Variants in EYA2 observed in about 807,000 individuals in gnomAD.
EYA2 encodes protein phosphatase EYA2.
EYA2 carries 31 observed loss-of-function variants against 69.2 expected under a neutral mutation model. That is an observed-to-expected ratio of 0.45 (90% CI 0.34 to 0.60). The LOEUF is 0.60. Ranked by LOEUF, EYA2 falls within the 20% of genes least tolerant of loss-of-function variation. The pLI is 0.02. For synonymous variants in EYA2, 257 were observed against 279.4 expected (o/e 0.92, Z 0.80); for missense variants, 622 against 701.2 (o/e 0.89, Z 1.28).
intron 1 of EYA2, chr20:46,978,289 A>C (rs1980587414): frequency 3.6e-6 from 1 of 278,144 alleles, no homozygotes; most frequent in African/African-American, 2.2e-5. Context: ...TAGGGAAATT[A>C]AATAACTCAC....
chr20:47,090,722 A>G (rs2032058387), intron 8 of EYA2, among the ~76,000 whole-genome samples: 1 of 152,214 alleles, frequency 6.6e-6, no homozygotes, highest in Non-Finnish European at 1.5e-5. Context: ...AATACAATAT[A>G]ACTTTGTTAA....
In EYA2 at chr20:46,908,870, C is replaced by CTTTTTTTTTTTT. The variant is rs56834738; in HGVS notation, c.-11+13909_-11+13920dup. On this transcript the variant is annotated intron_variant, in intron 1 of 15. Coordinates refer to ENST00000327619, the MANE Select transcript of EYA2 (RefSeq NM_005244.5). ...AAAGGCACTAAGCCTCTCTCCCGCA[C>CTTTTTTTTTTTT]TTTTTTTTTTTTTTTTTTTTTTTTT... 5.0e-4 allele frequency among the ~76,000 whole-genome samples: 24 copies of CTTTTTTTTTTTT among 47,582 alleles called. 5 individuals carry two copies. The East Asian group carries it at 7.4e-3, about 15-fold the overall frequency. The allele number at this position is 47,582 out of a possible 152,430, so 31.2% of individuals were successfully genotyped here. A position where few individuals can be genotyped will look rare whatever the true frequency, so the allele number is the denominator to read the frequency against.
intron 9 of EYA2, among the ~76,000 whole-genome samples, chr20:47,134,051 G>C (rs2033402286): frequency 6.6e-6 from 1 of 152,238 alleles, no homozygotes; most frequent in African/African-American, 2.4e-5. Flanking sequence ...GGAATGTGCA[G>C]GGTTTGAGCA....
chr20:47,160,793 T>C (rs1301403126), intron 10 of EYA2: 1 of 169,988 alleles, frequency 5.9e-6, no homozygotes, highest in Non-Finnish European at 1.3e-5. Flanking sequence ...CCCTCTCTTT[T>C]TTTTTTTCAA....
intron 7 of EYA2, among the ~76,000 whole-genome samples, chr20:47,086,360 C>T (rs1003539893): frequency 6.6e-6 from 1 of 151,930 alleles, no homozygotes; most frequent in Non-Finnish European, 1.5e-5. Context: ...GTGGCGTGTG[C>T]CTGTAATCCC....
chr20:46,998,673 T>C (rs1255447973), intron 2 of EYA2, among the ~76,000 whole-genome samples: 1 of 152,138 alleles, frequency 6.6e-6, no homozygotes, highest in Non-Finnish European at 1.5e-5. Flanking sequence ...GGATTATCAA[T>C]GAAGTCCACA....
rs367676084 is a variant in EYA2, at chr20:47,170,534, C to A, written c.1037+1337C>A. On this transcript the variant is annotated intron_variant, in intron 11 of 15. Coordinates refer to ENST00000327619, the MANE Select transcript of EYA2 (RefSeq NM_005244.5). ...TGGTGGCGGGCGCCTGTAATCCCAG[C>A]TACTTGGGAGGCTGAGGCAGGAGAA... is the stretch of plus-strand genomic sequence containing the variant. Among the ~76,000 whole-genome samples, 7 of 151,942 alleles carry A rather than the reference C, an allele frequency of 4.6e-5. No individual in the cohort carries two copies. The East Asian group carries it at 7.9e-4, about 17-fold the overall frequency.
At chr20:47,054,578 G>T (rs900457692) in intron 5 of EYA2, among the ~76,000 whole-genome samples, 1 of 152,064 alleles carries the variant, frequency 6.6e-6, no homozygotes, top group African/African-American at 2.4e-5. Flanking sequence ...TCACTAATGC[G>T]GATAGACAGA....
At chr20:46,969,146 C>CAG (rs1979975094) in intron 1 of EYA2, among the ~76,000 whole-genome samples, 1 of 152,144 alleles carries the variant, frequency 6.6e-6, no homozygotes, top group South Asian at 2.1e-4. Context: ...CTCTGGGAGT[C>CAG]AGAGGCTCCA....
chr20:47,002,917 G>C (rs1982469887), intron 3 of EYA2, among the ~76,000 whole-genome samples: 1 of 152,208 alleles, frequency 6.6e-6, no homozygotes, highest in South Asian at 2.1e-4. Context: ...CTAAAAGAAA[G>C]AAGGGCATAG....
At chr20:47,044,808 A>T (rs2029947865) in intron 5 of EYA2, among the ~76,000 whole-genome samples, 1 of 152,218 alleles carries the variant, frequency 6.6e-6, no homozygotes, top group South Asian at 2.1e-4. Context: ...GCTCAAGGTC[A>T]TACAATCGGA....
intron 9 of EYA2, among the ~76,000 whole-genome samples, chr20:47,122,812 T>C (rs1382760297): frequency 6.6e-6 from 1 of 152,214 alleles, no homozygotes; most frequent in African/African-American, 2.4e-5. Flanking sequence ...CTTGTCTATG[T>C]CTGCTTTTGT....
At chr20:46,944,577 A>G (rs368538201) in intron 1 of EYA2, among the ~76,000 whole-genome samples, 1 of 141,966 alleles carries the variant, frequency 7.0e-6, no homozygotes. Context: ...AAAATGAGAA[A>G]AACAGCACCC....
chr20:47,142,441 T>C (rs1187668203), intron 9 of EYA2, among the ~76,000 whole-genome samples: 2 of 152,396 alleles, frequency 1.3e-5, no homozygotes, highest in Admixed American at 1.3e-4. Context: ...GACAGTTTCA[T>C]ATCAGTAACT....
intron 4 of EYA2, 78 bp from the exon 5 acceptor site, chr20:47,016,103 G>C: frequency 1.9e-6 from 2 of 1,056,798 alleles, no homozygotes; most frequent in East Asian, 4.7e-5. Flanking sequence ...TCTTGACCCA[G>C]TAGCTCTTTT....
At chr20:47,064,680 A>G (rs1391228033) in intron 5 of EYA2, among the ~76,000 whole-genome samples, 1 of 152,096 alleles carries the variant, frequency 6.6e-6, no homozygotes, top group African/African-American at 2.4e-5. Context: ...TATTATGGCC[A>G]ACCTAGCGAG....
chr20:46,903,947 A>G lies in EYA2; in HGVS notation c.-11+8960A>G, dbSNP rs188129412. Among the ~76,000 whole-genome samples, 46 of 152,322 alleles carry G rather than the reference A, an allele frequency of 3.0e-4. No individual in the cohort carries two copies. The East Asian group carries it at 7.3e-3, about 24-fold the overall frequency. ...ACTGCCTGCCTCCATTCAATGTTCAATGAGCTAGCTATTGAGATTATGGGG... is the reference window on the plus strand; with the variant it reads ...ACTGCCTGCCTCCATTCAATGTTCAGTGAGCTAGCTATTGAGATTATGGGG... On this transcript the variant is annotated intron_variant, in intron 1 of 15. Coordinates refer to ENST00000327619, the MANE Select transcript of EYA2 (RefSeq NM_005244.5).
intron 9 of EYA2, among the ~76,000 whole-genome samples, chr20:47,135,818 C>CAAAAAAAAAAAAAAAAAAAAAAAAAA (rs1201324879): frequency 2.4e-4 from 8 of 33,246 alleles, no homozygotes; most frequent in Non-Finnish European, 4.4e-4. Context: ...CCTGTCTCTA[C>CAAAAAAAAAAAAAAAAAAAAAAAAAA]AAAAAAAAAA....
chr20:47,085,283 C>T (rs747794599), intron 7 of EYA2, among the ~76,000 whole-genome samples: 24 of 152,144 alleles, frequency 1.6e-4, no homozygotes, highest in Non-Finnish European at 2.9e-4. Context: ...TCAACCCAAA[C>T]GTCTACCTAC....
Sources: gnomAD v4.1 joint callset for allele counts (sites outside exome capture counted in the v4.1 genomes callset) on GRCh38, gnomAD v4.1.1 for gene constraint, MANE v1.5 for transcripts, NCBI Gene and HGNC (gene_info 2026-07-23, HGNC 2026-07-21) for gene names.